Variants in CHRM3 observed in about 807,000 individuals in gnomAD.
The protein encoded by CHRM3 is cholinergic receptor muscarinic 3.
Under a neutral mutation model 41.8 loss-of-function variants are expected in CHRM3, and 11 were observed. The observed-to-expected ratio is 0.26, with a 90% CI of 0.17 to 0.44. The LOEUF is 0.44. CHRM3 is among the 20% of genes least tolerant of loss of function. CHRM3 has a pLI of 1.00. For missense variants in CHRM3, 571 were observed against 745.4 expected (o/e 0.77, Z 2.72); for synonymous variants, 297 against 301.4 (o/e 0.99, Z 0.15).
intron 5 of CHRM3, among the ~76,000 whole-genome samples, chr1:239,684,776 G>GAAAGAA (rs1336687441): frequency 3.3e-5 from 2 of 61,170 alleles, no homozygotes; most frequent in East Asian, 5.1e-4. Context: ...GAAAGAGAAA[G>GAAAGAA]AGAAAGAAAA....
At position 239,761,260 on chromosome 1, in the gene CHRM3, C is replaced by G. The variant is rs187278605; in HGVS notation, c.-146-65992C>G. Among the ~76,000 whole-genome samples the G allele has an allele frequency of 3.3e-5, 5 of 152,200 alleles. No homozygotes were observed. In the East Asian group the frequency reaches 9.7e-4, roughly 30 times the overall value. ...TTCTTTTTATGCCTTATATGATTTT[C>G]CTTATCATGTTTGTGCTTTACCTTC... is the stretch of plus-strand genomic sequence containing the variant. On this transcript the variant is annotated intron_variant, in intron 5 of 6. Transcript: ENST00000676153.
chr1:239,794,480 T>G (rs1034167263), intron 5 of CHRM3, among the ~76,000 whole-genome samples: 1 of 151,882 alleles, frequency 6.6e-6, no homozygotes, highest in Non-Finnish European at 1.5e-5. Flanking sequence ...AAATGGATGA[T>G]TCAGTAACAT....
Position 239,909,267 on chromosome 1 carries a change from C to T in CHRM3, c.*43C>T, listed in dbSNP as rs755485606. On this transcript the variant is annotated 3_prime_UTR_variant, in exon 7 of 7. Coordinates refer to ENST00000676153, the MANE Select transcript of CHRM3 (RefSeq NM_001375978.1). ...AGCAGTGACAAAACGCACACATCAA[C>T]CCACAGACCTTAGGAGGAGGAAGGC... is the stretch of plus-strand genomic sequence containing the variant. The T allele has an allele frequency of 1.3e-6, 2 of 1,543,744 alleles. No individual in the cohort carries two copies. The highest frequency in any genetic ancestry group is 1.9e-5 in the Admixed American group (1 of 51,350).
chr1:239,794,980 CA>C (rs1178853332), intron 5 of CHRM3, among the ~76,000 whole-genome samples: 1 of 151,356 alleles, frequency 6.6e-6, no homozygotes, highest in Non-Finnish European at 1.5e-5. Flanking sequence ...CACCATGATC[CA>C]CACGTGAGAA....
chr1:239,900,267 T>C (rs1012493047), intron 6 of CHRM3, among the ~76,000 whole-genome samples: 4 of 129,016 alleles, frequency 3.1e-5, no homozygotes, highest in Admixed American at 3.0e-4. Flanking sequence ...CATTTGGGTC[T>C]GACCTACAGT....
intron 2 of CHRM3, among the ~76,000 whole-genome samples, chr1:239,514,110 A>G (rs61836560): frequency 6.6e-6 from 1 of 152,178 alleles, no homozygotes; most frequent in Admixed American, 6.5e-5. Context: ...CCAGTCGGCT[A>G]TTCTGGGTCT....
At chr1:239,854,907 C>T (rs1340797948) in intron 6 of CHRM3, among the ~76,000 whole-genome samples, 1 of 152,124 alleles carries the variant, frequency 6.6e-6, no homozygotes, top group African/African-American at 2.4e-5. Context: ...TTAAAAATTG[C>T]ATTGCTCAGA....
At chr1:239,415,711 C>T (rs1373517116) in intron 1 of CHRM3, among the ~76,000 whole-genome samples, 1 of 152,146 alleles carries the variant, frequency 6.6e-6, no homozygotes, top group African/African-American at 2.4e-5. Flanking sequence ...GGATATGTGG[C>T]TGTTTAAATA....
chr1:239,556,543 G>A (rs992162962), intron 3 of CHRM3, among the ~76,000 whole-genome samples: 39 of 152,140 alleles, frequency 2.6e-4, no homozygotes, highest in Non-Finnish European at 4.7e-4. Context: ...AAGAATTGTT[G>A]GGTTTCTACC....
chr1:239,424,325 A>G (rs1662203617), intron 1 of CHRM3, among the ~76,000 whole-genome samples: 3 of 151,678 alleles, frequency 2.0e-5, no homozygotes, highest in Admixed American at 2.0e-4. Context: ...TCATTCATTA[A>G]TGAATATTTA....
intron 6 of CHRM3, among the ~76,000 whole-genome samples, chr1:239,834,100 G>A (rs575127305): frequency 6.7e-6 from 1 of 149,154 alleles, no homozygotes; most frequent in South Asian, 2.1e-4. Flanking sequence ...AAAATTAGTG[G>A]CTTGGTGCTG....
At chr1:239,679,898 G>A (rs974274172) in intron 5 of CHRM3, among the ~76,000 whole-genome samples, 10 of 151,962 alleles carry the variant, frequency 6.6e-5, no homozygotes, top group East Asian at 3.9e-4. Flanking sequence ...TTCACAGTCC[G>A]CTCTGAGCCC....
At chr1:239,794,858 T>C (rs1669642602) in intron 5 of CHRM3, among the ~76,000 whole-genome samples, 1 of 152,182 alleles carries the variant, frequency 6.6e-6, no homozygotes. Flanking sequence ...ATCAATAAAT[T>C]TAATAGTCTT....
In CHRM3 at chr1:239,909,129, C is replaced by T. The variant is rs755913421; in HGVS notation, c.1678C>T (p.Leu560=). ...TFRTTFKMLL[L]CQCDKKKRRK... is the part of the protein sequence containing the mutation. Reference sequence around the variant, plus strand: ...CAGAACCACTTTCAAGATGCTGCTGCTGTGCCAGTGTGACAAAAAAAAGAG... The same window carrying T: ...CAGAACCACTTTCAAGATGCTGCTGTTGTGCCAGTGTGACAAAAAAAAGAG... The change falls in exon 7 of 7, where the codon CTG becomes TTG. Residue 560 remains leucine (L), a synonymous_variant. Transcript: ENST00000676153. 3 of 1,614,008 alleles carry T rather than the reference C, an allele frequency of 1.9e-6. No homozygotes were observed. The African/African-American group carries it at 4.0e-5, about 22-fold the overall frequency.
chr1:239,746,228 C>T (rs1665338505), intron 5 of CHRM3, among the ~76,000 whole-genome samples: 1 of 152,182 alleles, frequency 6.6e-6, no homozygotes, highest in Admixed American at 6.5e-5. Flanking sequence ...TTGAAGGTAA[C>T]TCTTCGTAAT....
intron 4 of CHRM3, among the ~76,000 whole-genome samples, chr1:239,637,952 C>T (rs1470181984): frequency 1.5e-5 from 2 of 132,684 alleles, no homozygotes; most frequent in Non-Finnish European, 1.6e-5. Context: ...GTGATGTTCC[C>T]CTTCCTGTGT....
intron 5 of CHRM3, among the ~76,000 whole-genome samples, chr1:239,738,735 C>A (rs1664599564): frequency 6.6e-6 from 1 of 152,086 alleles, no homozygotes; most frequent in African/African-American, 2.4e-5. Flanking sequence ...TAAAATTAAC[C>A]ATTTGAACAC....
intron 5 of CHRM3, among the ~76,000 whole-genome samples, chr1:239,787,349 A>G (rs1216422980): frequency 6.6e-6 from 1 of 152,034 alleles, no homozygotes; most frequent in Non-Finnish European, 1.5e-5. Flanking sequence ...AGCCACCTGC[A>G]TATGGACTGA....
intron 1 of CHRM3, among the ~76,000 whole-genome samples, chr1:239,459,247 A>G (rs1464250915): frequency 6.6e-6 from 1 of 152,176 alleles, no homozygotes; most frequent in Non-Finnish European, 1.5e-5. Context: ...CTATTTTCAA[A>G]TAACAGTCAT....
Sources: gnomAD v4.1 joint callset for allele counts (sites outside exome capture counted in the v4.1 genomes callset) on GRCh38, gnomAD v4.1.1 for gene constraint, MANE v1.5 for transcripts, NCBI Gene and HGNC (gene_info 2026-07-23, HGNC 2026-07-21) for gene names.